Variants in SAMD4A observed in about 807,000 individuals in gnomAD.
SAMD4A encodes the protein protein Smaug homolog 1.
In SAMD4A, 33 loss-of-function variants were observed where a neutral mutation model predicts 81.3. The observed-to-expected ratio is 0.41, with a 90% confidence interval of 0.31 to 0.54. SAMD4A has a LOEUF of 0.54. SAMD4A is among the 20% of genes least tolerant of loss of function. The probability of loss-of-function intolerance (pLI) is 0.37; values close to 1 mark genes in which losing one functional copy is unlikely to be tolerated. For missense variants in SAMD4A, 854 were observed against 951.1 expected, an observed-to-expected ratio of 0.90 and a Z score of 1.34; for synonymous variants, 389 against 382.1, an observed-to-expected ratio of 1.02 and a Z score of -0.21.
chr14:54,640,316 T>C (rs2140378210), intron 2 of SAMD4A, among the ~76,000 whole-genome samples: 1 of 152,334 alleles, frequency 6.6e-6, no homozygotes, highest in African/African-American at 2.4e-5. Flanking sequence ...TGTAAAGATC[T>C]GTAGCTTATC....
chr14:54,707,994 G>A (rs2036900654), intron 3 of SAMD4A, among the ~76,000 whole-genome samples: 1 of 152,178 alleles, frequency 6.6e-6, no homozygotes, highest in African/African-American at 2.4e-5. Flanking sequence ...GCTATTGGAG[G>A]ATTTCCAACA....
At chr14:54,693,129 G>T (rs1013103528) in intron 2 of SAMD4A, 5 of 140,180 alleles carry the variant, frequency 3.6e-5, no homozygotes, top group Non-Finnish European at 5.9e-5. Flanking sequence ...TATTGAAAAG[G>T]GGGGGGTAGT....
intron 2 of SAMD4A, among the ~76,000 whole-genome samples, chr14:54,661,733 G>A (rs930904006): frequency 3.3e-5 from 5 of 152,124 alleles, no homozygotes; most frequent in African/African-American, 4.8e-5. Flanking sequence ...TAGTGGGAGC[G>A]TGTGGATGAC....
chr14:54,749,945 C>A (rs1471317520), intron 5 of SAMD4A, among the ~76,000 whole-genome samples: 1 of 152,182 alleles, frequency 6.6e-6, no homozygotes, highest in East Asian at 1.9e-4. Flanking sequence ...GCAGGCCTGG[C>A]GGACTCCCAA....
At chr14:54,775,185 G>C in intron 10 of SAMD4A, 50 bp downstream of exon 10, 3 of 1,606,530 alleles carry the variant, frequency 1.9e-6, no homozygotes, top group Non-Finnish European at 2.6e-6. Context: ...CAAGGCCCAA[G>C]GCTGCAGATG....
At chr14:54,749,067 A>G (rs182240080) in intron 5 of SAMD4A, 143 bp downstream of exon 5, 3 of 595,680 alleles carry the variant, frequency 5.0e-6, no homozygotes, top group African/African-American at 1.8e-5. Context: ...GCTGGCCAGC[A>G]TTCCATGGTG....
At chr14:54,765,020 C>T (rs1254513902) in intron 8 of SAMD4A, among the ~76,000 whole-genome samples, 1 of 152,212 alleles carries the variant, frequency 6.6e-6, no homozygotes, top group African/African-American at 2.4e-5. Context: ...GTATTTGCCA[C>T]ATATCCTTTT....
chr14:54,611,220 C>T (rs565266121), intron 2 of SAMD4A, among the ~76,000 whole-genome samples: 182 of 152,310 alleles, frequency 1.2e-3, no homozygotes, highest in Middle Eastern at 0.01. Flanking sequence ...TCATAGCTCT[C>T]TCCCCTTTTA....
chr14:54,788,807 C>A, intron 12 of SAMD4A, 109 bp from the exon 13 acceptor site: 1 of 1,339,872 alleles, frequency 7.5e-7, no homozygotes, highest in Non-Finnish European at 1.1e-6. Context: ...AGGTGCCCTT[C>A]TCTGCCCTCA....
intron 2 of SAMD4A, among the ~76,000 whole-genome samples, chr14:54,658,059 A>G (rs576699025): frequency 6.6e-6 from 1 of 152,336 alleles, no homozygotes; most frequent in African/African-American, 2.4e-5. Flanking sequence ...CTGTAATTCC[A>G]GCACTTTGGG....
chr14:54,669,821 G>T (rs1319349576), intron 2 of SAMD4A, among the ~76,000 whole-genome samples: 2 of 152,220 alleles, frequency 1.3e-5, no homozygotes, highest in African/African-American at 4.8e-5. Context: ...TTGCCAGCAT[G>T]CAGGGAACGC....
At chr14:54,611,852 G>A (rs2034364150) in intron 2 of SAMD4A, among the ~76,000 whole-genome samples, 1 of 151,472 alleles carries the variant, frequency 6.6e-6, no homozygotes, top group African/African-American at 2.4e-5. Context: ...ATTTCAGCCT[G>A]GGTGACAGAG....
chr14:54,678,431 ATTTGTGTGTGTGTGTG>A, intron 2 of SAMD4A, among the ~76,000 whole-genome samples: 1 of 77,428 alleles, frequency 1.3e-5, no homozygotes, highest in African/African-American at 5.0e-5. Context: ...GGCAGTCACC[ATTTGTGTGTGTGTGTG>A]TGTGTGTGTG....
intron 3 of SAMD4A, 57 bp from the exon 4 acceptor site, chr14:54,736,967 C>T (rs768267486): frequency 3.1e-5 from 50 of 1,589,938 alleles, no homozygotes; most frequent in East Asian, 4.5e-5. Context: ...GTGGGTTCTT[C>T]GGTGTCCCAG....
chr14:54,581,472 G>A (rs962897485), intron 2 of SAMD4A, among the ~76,000 whole-genome samples: 2 of 152,224 alleles, frequency 1.3e-5, no homozygotes, highest in African/African-American at 2.4e-5. Context: ...TTGTGGCCCT[G>A]ATTTCCACAG....
intron 2 of SAMD4A, among the ~76,000 whole-genome samples, chr14:54,682,918 A>G (rs1244648871): frequency 2.6e-5 from 4 of 152,180 alleles, no homozygotes; most frequent in African/African-American, 9.7e-5. Flanking sequence ...TACCTGAATA[A>G]CCAACCCTGT....
chr14:54,717,440 CAAAAAAAAAA>C, intron 3 of SAMD4A, among the ~76,000 whole-genome samples: 1 of 98,952 alleles, frequency 1.0e-5, no homozygotes, highest in South Asian at 3.3e-4. Context: ...GACCCTGTCT[CAAAAAAAAAA>C]AAAAAAGAAA....
chr14:54,723,526 C>T (rs2037316710), intron 3 of SAMD4A, among the ~76,000 whole-genome samples: 1 of 152,156 alleles, frequency 6.6e-6, no homozygotes, highest in Non-Finnish European at 1.5e-5. Flanking sequence ...TTACCACCTC[C>T]TCAAAAACTT....
chr14:54,634,418 C>A (rs2034981757), intron 2 of SAMD4A, among the ~76,000 whole-genome samples: 1 of 152,072 alleles, frequency 6.6e-6, no homozygotes, highest in African/African-American at 2.4e-5. Context: ...AGCGGTCCCC[C>A]ACCTTTTTGG....
Sources: allele counts gnomAD v4.1 joint callset (sites outside exome capture counted in the v4.1 genomes callset), GRCh38; gene constraint gnomAD v4.1.1; transcripts MANE v1.5; gene names NCBI Gene and HGNC (gene_info 2026-07-23, HGNC 2026-07-21).